Variants in ERAP1 observed in about 807,000 individuals in gnomAD.
ERAP1 encodes the protein endoplasmic reticulum aminopeptidase 1, also known as adipocyte-derived leucine aminopeptidase.
ERAP1 carries 86 observed loss-of-function variants against 103.7 expected under a neutral mutation model. That is an observed-to-expected ratio of 0.83 (90% CI 0.70 to 0.99). ERAP1 has a LOEUF of 0.99. ERAP1 is among the 50% of genes least tolerant of loss of function. ERAP1 has a pLI of 0.00. For synonymous variants in ERAP1, 398 were observed against 402.4 expected, an observed-to-expected ratio of 0.99 and a Z score of 0.13; for missense variants, 1,009 against 1,128.4, an observed-to-expected ratio of 0.89 and a Z score of 1.52.
At position 96,795,093 on chromosome 5, in the gene ERAP1, G is replaced by GT; in HGVS notation, c.867_868insA (p.Leu290ThrfsTer5). On this transcript the variant is annotated frameshift_variant, in exon 5 of 19. Transcript: ENST00000443439. LOFTEE classifies it high-confidence loss of function. ...CTGAAATAATCCTCATAAAATTCTA[G>GT]AAGAGTCACCGCAGCATCCAGTGCA... 1 of 1,613,966 alleles carries GT rather than the reference G, an allele frequency of 6.2e-7. No individual in the cohort carries two copies.
the ERAP1 span, among the ~76,000 whole-genome samples, chr5:96,916,259 G>A: frequency 1.3e-5 from 2 of 150,674 alleles, no homozygotes; most frequent in Non-Finnish European, 3.0e-5. Flanking sequence ...AAAAACAACA[G>A]CAAAAAAAAG....
the ERAP1 span, among the ~76,000 whole-genome samples, chr5:96,858,778 T>G: frequency 1.3e-5 from 2 of 152,068 alleles, no homozygotes; most frequent in Admixed American, 6.6e-5. Context: ...TGTAAATAGA[T>G]AGTTACTGTA....
At chr5:96,843,287 G>T in the ERAP1 span, among the ~76,000 whole-genome samples, 1 of 152,148 alleles carries the variant, frequency 6.6e-6, no homozygotes, top group Non-Finnish European at 1.5e-5. Context: ...TGAAGTACCT[G>T]CAATCAGTCT....
the ERAP1 span, among the ~76,000 whole-genome samples, chr5:96,907,444 T>C: frequency 6.6e-6 from 1 of 152,262 alleles, no homozygotes; most frequent in Non-Finnish European, 1.5e-5. Flanking sequence ...GTAGTTTTAA[T>C]ATGTCAAATA....
At chr5:96,784,262 A>G (rs748880986) in intron 13 of ERAP1, among the ~76,000 whole-genome samples, 182 bp from the exon 14 acceptor site, 4 of 152,228 alleles carry the variant, frequency 2.6e-5, no homozygotes, top group Admixed American at 6.5e-5. Context: ...TAGGAGGCCA[A>G]GGCAGGTGGA....
At chr5:96,816,515 G>C in the ERAP1 span, among the ~76,000 whole-genome samples, 3 of 152,234 alleles carry the variant, frequency 2.0e-5, no homozygotes, top group Admixed American at 6.5e-5. Context: ...CTCAACTTAG[G>C]CACAGGTGCA....
chr5:96,794,050 C>T (rs1777038158), intron 5 of ERAP1, 93 bp from the exon 6 acceptor site: 1 of 1,287,396 alleles, frequency 7.8e-7, no homozygotes, highest in African/African-American at 1.5e-5. Flanking sequence ...TTTGAACCAG[C>T]TGCCCGTGCA....
chr5:96,905,052 A>G, the ERAP1 span, among the ~76,000 whole-genome samples: 1 of 152,168 alleles, frequency 6.6e-6, no homozygotes, highest in Non-Finnish European at 1.5e-5. Flanking sequence ...TCCGATATAC[A>G]AGGTTTGGAG....
the ERAP1 span, chr5:96,918,553 G>A: frequency 6.6e-6 from 1 of 152,042 alleles, no homozygotes. Context: ...CTGGTCAAAT[G>A]AATGAATGGT....
At chr5:96,772,131 G>C (rs1772624483), downstream of ERAP1, 7 of 154,282 alleles carry the variant, frequency 4.5e-5, no homozygotes, top group Admixed American at 4.6e-4. Flanking sequence ...TTTAGAGTCT[G>C]GTGGAAATTA....
the ERAP1 span, among the ~76,000 whole-genome samples, chr5:96,931,282 G>A: frequency 9.2e-5 from 14 of 151,702 alleles, 1 homozygote; most frequent in Admixed American, 9.2e-4. Context: ...TCAGCCTCCT[G>A]AGTAGCTGGG....
the ERAP1 span, among the ~76,000 whole-genome samples, chr5:96,868,916 C>A: frequency 6.6e-6 from 1 of 151,962 alleles, no homozygotes; most frequent in Non-Finnish European, 1.5e-5. Flanking sequence ...ATATCGAAAT[C>A]CAAGCCTACC....
chr5:96,916,440 T>C, the ERAP1 span, among the ~76,000 whole-genome samples: 1 of 150,752 alleles, frequency 6.6e-6, no homozygotes, highest in African/African-American at 2.4e-5. Context: ...AAACTATTGT[T>C]GGTAATTCTA....
At chr5:96,882,341 T>C in the ERAP1 span, among the ~76,000 whole-genome samples, 6 of 152,216 alleles carry the variant, frequency 3.9e-5, no homozygotes, top group African/African-American at 1.4e-4. Context: ...GGAGTAAAGC[T>C]GTAGGACTTT....
the ERAP1 span, among the ~76,000 whole-genome samples, chr5:96,848,026 C>G: frequency 6.6e-6 from 1 of 151,410 alleles, no homozygotes; most frequent in East Asian, 2.0e-4. Flanking sequence ...TCAGCAAAAC[C>G]AAGAGCTTGT....
At chr5:96,886,900 A>G in the ERAP1 span, 3 of 1,030,644 alleles carry the variant, frequency 2.9e-6, no homozygotes, top group Non-Finnish European at 3.9e-6. Context: ...TTATATTACA[A>G]GAAGAGATAG....
chr5:96,915,967 A>C, the ERAP1 span: 1 of 429,440 alleles, frequency 2.3e-6, no homozygotes, highest in East Asian at 4.2e-5. Flanking sequence ...TCACACCTGT[A>C]ATCCCACCAC....
the ERAP1 span, chr5:96,934,466 G>C: frequency 6.6e-6 from 1 of 152,226 alleles, no homozygotes; most frequent in African/African-American, 2.4e-5. Context: ...GCGACTTCCG[G>C]GAACAGCATG....
At chr5:96,842,816 C>T in the ERAP1 span, among the ~76,000 whole-genome samples, 4 of 152,070 alleles carry the variant, frequency 2.6e-5, no homozygotes, top group Non-Finnish European at 1.5e-5. Flanking sequence ...GTTTTTGTTG[C>T]ATTTGCTTTT....
Sources: gnomAD v4.1 joint callset for allele counts (sites outside exome capture counted in the v4.1 genomes callset) on GRCh38, gnomAD v4.1.1 for gene constraint, MANE v1.5 for transcripts, NCBI Gene and HGNC (gene_info 2026-07-23, HGNC 2026-07-21) for gene names.